ADNP: variants seen among roughly 807,000 people sequenced by gnomAD.
ADNP encodes activity dependent neuroprotector homeobox, also known as activity-dependent neuroprotector homeobox protein.
In ADNP, 4 loss-of-function variants were observed where a neutral mutation model predicts 84.9. That is an observed-to-expected ratio of 0.05 (90% CI 0.02 to 0.11). The LOEUF (loss-of-function observed/expected upper bound fraction) is 0.11. Ranked by LOEUF, ADNP falls within the 10% of genes least tolerant of loss-of-function variation. The pLI, the probability that ADNP is intolerant of heterozygous loss-of-function variation, is 1.00. For missense variants in ADNP, 1,132 were observed against 1,326.0 expected, an observed-to-expected ratio of 0.85 and a Z score of 2.27; for synonymous variants, 554 against 468.1, an observed-to-expected ratio of 1.18 and a Z score of -2.37.
intron 2 of ADNP, among the ~76,000 whole-genome samples, chr20:50,912,168 A>T (rs976127941): frequency 4.0e-5 from 6 of 151,894 alleles, no homozygotes; most frequent in Admixed American, 2.6e-4. Flanking sequence ...TTCAAACCTT[A>T]TTTTTTTTGA....
chr20:50,920,359 T>C (rs1273630137), intron 2 of ADNP, among the ~76,000 whole-genome samples: 1 of 147,422 alleles, frequency 6.8e-6, no homozygotes, highest in Non-Finnish European at 1.5e-5. Flanking sequence ...GGCAGACAGA[T>C]CACTTGAGGT....
At chr20:50,910,226 CAAAAAACACT>C (rs940060791) in intron 2 of ADNP, among the ~76,000 whole-genome samples, 1 of 151,972 alleles carries the variant, frequency 6.6e-6, no homozygotes, top group Admixed American at 6.5e-5. Flanking sequence ...AGTAAAAAAA[CAAAAAACACT>C]ATATGAGAAG....
chr20:50,930,455 G>A (rs1227633448), intron 1 of ADNP, among the ~76,000 whole-genome samples: 6 of 70,048 alleles, frequency 8.6e-5, no homozygotes, highest in Admixed American at 7.1e-4. Context: ...TTTGGGGGTG[G>A]GGGGCGGACG....
At chr20:50,926,004 G>A (rs752004928) in intron 2 of ADNP, among the ~76,000 whole-genome samples, 27 of 152,228 alleles carry the variant, frequency 1.8e-4, no homozygotes, top group Non-Finnish European at 2.9e-4. Context: ...AGAGGCTGAG[G>A]CAGGAAAATC....
chr20:50,901,968 G>A (rs889583421), intron 5 of ADNP, 49 bp downstream of exon 5: 2 of 1,356,968 alleles, frequency 1.5e-6, no homozygotes, highest in East Asian at 2.3e-5. Context: ...GCTGAAAAGG[G>A]AGTATACCAA....
Position 50,906,870 on chromosome 20 carries a change from G to A in ADNP, c.-89-2021C>T, listed in dbSNP as rs547607363. ...GGCTTATAAATAAAGCAGTGACACTGCTTACTGGGAAATGCTGTACCAAAA... is the reference window on the plus strand; with the variant it reads ...GGCTTATAAATAAAGCAGTGACACTACTTACTGGGAAATGCTGTACCAAAA... On this transcript the variant is annotated intron_variant, in intron 2 of 5. Coordinates refer to ENST00000621696, the MANE Select transcript of ADNP (RefSeq NM_001282531.3). Among the ~76,000 whole-genome samples, 44 of 152,020 alleles carry A rather than the reference G, an allele frequency of 2.9e-4. 3 individuals carry two copies. In the South Asian group the frequency reaches 7.3e-3, roughly 25 times the overall value.
In ADNP at chr20:50,891,612, T is replaced by C; in HGVS notation, c.3102A>G (p.Gly1034=). 6.2e-7 allele frequency: 1 copy of C among 1,614,006 alleles called. No individual in the cohort carries two copies. The highest frequency in any genetic ancestry group is 8.5e-7 in the Non-Finnish European group (1 of 1,180,036). ...EQLKWKNSSY[G]KVEGFWSKDQ... is the part of the protein sequence containing the mutation. ...CCTTAGACCAAAACCCTTCAACTTTTCCATAGGAACTATTCTTCCATTTCA... is the reference window on the plus strand; with the variant it reads ...CCTTAGACCAAAACCCTTCAACTTTCCCATAGGAACTATTCTTCCATTTCA... The change falls in exon 6 of 6, where the codon GGA becomes GGG. Residue 1034 remains glycine (G), a synonymous_variant. Coordinates refer to ENST00000621696, the MANE Select transcript of ADNP (RefSeq NM_001282531.3).
chr20:50,900,310 C>G (rs935868811), intron 5 of ADNP, among the ~76,000 whole-genome samples: 2 of 152,128 alleles, frequency 1.3e-5, no homozygotes, highest in Non-Finnish European at 2.9e-5. Context: ...GAGCAACAGG[C>G]CATACCATAT....
At chr20:50,916,361 T>C (rs1025968469) in intron 2 of ADNP, among the ~76,000 whole-genome samples, 1 of 152,192 alleles carries the variant, frequency 6.6e-6, no homozygotes, top group Non-Finnish European at 1.5e-5. Context: ...TGTTCACAAG[T>C]TTATGCTTTA....
Position 50,893,059 on chromosome 20 carries a change from A to C in ADNP, c.1655T>G (p.Leu552Trp). ...AGTGTGACTACCCTGCTGCAATGTC[A>C]AATCAAAACTCAAAGTAGAATCTGT... is the stretch of plus-strand genomic sequence containing the variant. ...PKTDSTLSFD[L>W]TLQQGSHTNI... Residue 552 changes from leucine to tryptophan, a missense_variant, in exon 6 of 6, where the codon TTG (leucine) becomes TGG (tryptophan). By Grantham distance (61) the Leu-to-Trp change is moderately conservative. This residue lies in a region of ADNP where 87 missense variants were observed against 181.4 expected (regional missense o/e 0.48). Coordinates refer to ENST00000621696, the MANE Select transcript of ADNP (RefSeq NM_001282531.3). This position sits in a 1 kb window ranked among gnomAD's most constrained non-coding sequence, Gnocchi z 4.4. 1 of 1,614,242 alleles carries C rather than the reference A, an allele frequency of 6.2e-7. No homozygotes were observed. The highest frequency in any genetic ancestry group is 8.5e-7 in the Non-Finnish European group (1 of 1,180,046).
In ADNP at chr20:50,891,642, CTCTCTG is replaced by C; in HGVS notation, c.3066_3071del (p.Asp1022_Arg1023del). On this transcript the variant is annotated inframe_deletion, in exon 6 of 6. Transcript: ENST00000621696. ...AGGAACTATTCTTCCATTTCAACTG[CTCTCTG>C]TCACCTTGCATGGTAGCCTTTTTTT... The C allele has an allele frequency of 6.2e-7, 1 of 1,614,176 alleles. No individual in the cohort carries two copies. Among genetic ancestry groups the C allele is most frequent in the Non-Finnish European group, 8.5e-7 (1 of 1,180,022 alleles).
chr20:50,907,534 TGGGA>T (rs1242918935), intron 2 of ADNP, among the ~76,000 whole-genome samples: 3 of 152,216 alleles, frequency 2.0e-5, no homozygotes, highest in African/African-American at 7.2e-5. Flanking sequence ...CCCAAAGTGC[TGGGA>T]TTACAGGCGT....
chr20:50,902,113 GA>G lies in ADNP; in HGVS notation c.109-5del. On this transcript the variant is annotated splice_polypyrimidine_tract_variant and splice_region_variant and intron_variant, in intron 4 of 5. Coordinates refer to ENST00000621696, the MANE Select transcript of ADNP (RefSeq NM_001282531.3). ...TAGGTTCAAATTGTTTAAAATCCTA[GA>G]AAACAGTGAAATAAGTTTACAAAAA... The G allele has an allele frequency of 6.3e-7, 1 of 1,585,448 alleles. No homozygotes were observed. Among genetic ancestry groups the G allele is most frequent in the Non-Finnish European group, 8.7e-7 (1 of 1,154,086 alleles).
Position 50,893,226 on chromosome 20 carries a change from G to A in ADNP, c.1488C>T (p.Arg496=). Residue 496 remains arginine (R), a synonymous_variant, in exon 6 of 6, where the codon CGC becomes CGT. Coordinates refer to ENST00000621696, the MANE Select transcript of ADNP (RefSeq NM_001282531.3). This position sits in a 1 kb window ranked among gnomAD's most constrained non-coding sequence, Gnocchi z 4.4. The part of the protein sequence containing the change: ...NFTSKCLYCN[R]YLPTDTLLNH... ...TGAGCAGAGTATCTGTGGGTAAATA[G>A]CGATTACAGTAGAGGCATTTGCTAG... 1 of 1,614,244 alleles carries A rather than the reference G, an allele frequency of 6.2e-7. No individual in the cohort carries two copies. The highest frequency in any genetic ancestry group is 8.5e-7 in the Non-Finnish European group (1 of 1,180,044).
chr20:50,924,542 G>A (rs1984163595), intron 2 of ADNP, among the ~76,000 whole-genome samples: 1 of 152,198 alleles, frequency 6.6e-6, no homozygotes, highest in South Asian at 2.1e-4. Context: ...ATTGTATGTG[G>A]TAGTGCCTTG....
At chr20:50,917,603 A>G (rs1017539039) in intron 2 of ADNP, among the ~76,000 whole-genome samples, 1 of 152,208 alleles carries the variant, frequency 6.6e-6, no homozygotes, top group African/African-American at 2.4e-5. Context: ...TCCCTTGGGA[A>G]ACTAGACGCT....
Position 50,894,131 on chromosome 20 carries a change from G to A in ADNP, c.583C>T (p.Pro195Ser), listed in dbSNP as rs758627043. Residue 195 changes from proline to serine, a missense_variant, in exon 6 of 6, where the codon CCT (proline) becomes TCT (serine). This residue lies in a region of ADNP where 130 missense variants were observed against 183.7 expected (regional missense o/e 0.71). Coordinates refer to ENST00000621696, the MANE Select transcript of ADNP (RefSeq NM_001282531.3). The stretch of plus-strand genomic sequence containing the variant: ...TTTTCTCCTGCCTTTGCTATGTAAG[G>A]TGCTGCCACATGCTGAAAATGTTCC... ...YREHFQHVAA[P>S]YIAKAGEKSL... 1 of 1,614,116 alleles carries A rather than the reference G, an allele frequency of 6.2e-7. No individual in the cohort carries two copies. The highest frequency in any genetic ancestry group is 2.2e-5 in the East Asian group (1 of 44,878).
chr20:50,919,859 G>A (rs902117597), intron 2 of ADNP, among the ~76,000 whole-genome samples: 4 of 152,180 alleles, frequency 2.6e-5, no homozygotes, highest in Non-Finnish European at 5.9e-5. Flanking sequence ...GATTGGAAAG[G>A]CAGGGTGAGG....
chr20:50,910,180 G>A (rs373723469), intron 2 of ADNP, among the ~76,000 whole-genome samples: 6 of 151,990 alleles, frequency 3.9e-5, no homozygotes, highest in Non-Finnish European at 7.4e-5. Flanking sequence ...AAAGATGAAA[G>A]TTACTCTAAA....
Sources: gnomAD v4.1 joint callset for allele counts (sites outside exome capture counted in the v4.1 genomes callset) on GRCh38, gnomAD v4.1.1 for gene constraint, gnomAD v4.1.1 regional missense constraint, Gnocchi (gnomAD v3.1) non-coding constraint, MANE v1.5 for transcripts, NCBI Gene and HGNC (gene_info 2026-07-23, HGNC 2026-07-21) for gene names.